The following CSMD1 variants were observed in gnomAD, a reference collection of about 807,000 sequenced individuals.
CSMD1 encodes CUB and sushi domain-containing protein 1.
In CSMD1, 213 loss-of-function variants were observed where a neutral mutation model predicts 417.5. That is an observed-to-expected ratio of 0.51 (90% CI 0.46 to 0.57). The LOEUF (loss-of-function observed/expected upper bound fraction) is 0.57. Ranked by LOEUF, CSMD1 falls within the 20% of genes least tolerant of loss-of-function variation. The pLI, the probability that CSMD1 is intolerant of heterozygous loss-of-function variation, is 0.00. For missense variants in CSMD1, 6,923 were observed against 4,529.7 expected (o/e 1.53, Z -15.17); for synonymous variants, 2,862 against 1,736.8 (o/e 1.65, Z -16.11).
chr8:3,058,482 C>T (rs17079214), intron 49 of CSMD1, among the ~76,000 whole-genome samples: 36,339 of 152,050 alleles, frequency 0.24, 5,070 homozygotes, highest in East Asian at 0.34. Flanking sequence ...AAACATGATC[C>T]TTTTTGGTGC....
chr8:4,209,530 C>A lies in CSMD1; in HGVS notation c.416-177431G>T, dbSNP rs182332089. On this transcript the variant is annotated intron_variant, in intron 3 of 69. Coordinates refer to ENST00000635120, the MANE Select transcript of CSMD1 (RefSeq NM_033225.6). The stretch of plus-strand genomic sequence containing the variant: ...CCCCTCCTCTCTGGGAAACAGGAGC[C>A]GCGTGAGATTCCTTGCTGCCATGCT... Among the ~76,000 whole-genome samples, 67 of 152,274 alleles carry A rather than the reference C, an allele frequency of 4.4e-4. 1 individual carries two copies. The South Asian group carries it at 0.012, about 28-fold the overall frequency.
chr8:4,470,747 G>C (rs961945976), intron 2 of CSMD1, among the ~76,000 whole-genome samples: 3 of 152,172 alleles, frequency 2.0e-5, no homozygotes, highest in South Asian at 2.1e-4. Context: ...AAAACACCAT[G>C]AATGACTTAA....
rs149208197 is a variant in CSMD1, at chr8:4,936,807, G to A, written c.85+57525C>T. The stretch of plus-strand genomic sequence containing the variant: ...ACACTCAAATAAAATATATTAAATG[G>A]ATTTTATAACAGCTTTGCTGCTAAA... On this transcript the variant is annotated intron_variant, in intron 1 of 69. Transcript: ENST00000635120. Among the ~76,000 whole-genome samples the A allele has an allele frequency of 1.4e-3, 220 of 152,262 alleles. 7 individuals carry two copies. In the East Asian group the frequency reaches 0.016, roughly 11 times the overall value.
At chr8:4,348,835 C>G (rs189614444) in intron 3 of CSMD1, among the ~76,000 whole-genome samples, 25 of 152,274 alleles carry the variant, frequency 1.6e-4, no homozygotes, top group African/African-American at 5.3e-4. Context: ...AATCAATAAG[C>G]TTTTAAGGTA....
At chr8:3,195,546 T>G (rs1260927537) in intron 33 of CSMD1, among the ~76,000 whole-genome samples, 1 of 152,178 alleles carries the variant, frequency 6.6e-6, no homozygotes, top group Non-Finnish European at 1.5e-5. Context: ...CGTCTAAGAA[T>G]ATGTTGATTT....
chr8:4,181,321 C>G (rs1421271722), intron 3 of CSMD1, among the ~76,000 whole-genome samples: 1 of 151,934 alleles, frequency 6.6e-6, no homozygotes, highest in Non-Finnish European at 1.5e-5. Flanking sequence ...ACATATATAT[C>G]CATGCTAAAA....
chr8:3,790,025 C>G (rs564334686), intron 5 of CSMD1, among the ~76,000 whole-genome samples: 1 of 152,112 alleles, frequency 6.6e-6, no homozygotes, highest in Non-Finnish European at 1.5e-5. Context: ...GCCACCATGC[C>G]CGGCCGATCA....
chr8:4,161,161 C>G (rs748024889), intron 3 of CSMD1, among the ~76,000 whole-genome samples: 22 of 151,568 alleles, frequency 1.5e-4, no homozygotes, highest in African/African-American at 5.3e-4. Flanking sequence ...GATAAAAGTT[C>G]AGAAGGATGA....
intron 17 of CSMD1, among the ~76,000 whole-genome samples, chr8:3,394,586 G>A (rs549882983): frequency 7.2e-5 from 11 of 151,726 alleles, no homozygotes; most frequent in Non-Finnish European, 1.2e-4. Flanking sequence ...GAAGTTTCAT[G>A]CACTATATAT....
At chr8:4,248,021 T>A (rs1225161270) in intron 3 of CSMD1, among the ~76,000 whole-genome samples, 1 of 152,212 alleles carries the variant, frequency 6.6e-6, no homozygotes, top group African/African-American at 2.4e-5. Flanking sequence ...GTATATAGAT[T>A]TTTCATTTAG....
Position 3,039,142 on chromosome 8 carries a change from C to A in CSMD1, c.7661-9629G>T, listed in dbSNP as rs890901061. ...TGCTGTAAACACCGTGTGAGTGAGGCAGACACAGGAAGCTGAATTACAAGA... is the reference window on the plus strand; with the variant it reads ...TGCTGTAAACACCGTGTGAGTGAGGAAGACACAGGAAGCTGAATTACAAGA... On this transcript the variant is annotated intron_variant, in intron 50 of 69. Transcript: ENST00000635120. Among the ~76,000 whole-genome samples, 5 of 152,240 alleles carry A rather than the reference C, an allele frequency of 3.3e-5. No individual in the cohort carries two copies. The East Asian group carries it at 9.7e-4, about 30-fold the overall frequency.
intron 3 of CSMD1, among the ~76,000 whole-genome samples, chr8:4,237,194 A>T (rs1802118288): frequency 6.6e-6 from 1 of 152,184 alleles, no homozygotes; most frequent in Non-Finnish European, 1.5e-5. Context: ...CCATATTTGC[A>T]CCAACTTTGC....
At chr8:3,964,318 G>A (rs1812527867) in intron 5 of CSMD1, among the ~76,000 whole-genome samples, 1 of 152,188 alleles carries the variant, frequency 6.6e-6, no homozygotes, top group Non-Finnish European at 1.5e-5. Context: ...GCGGCCATAA[G>A]TCTCATTGTG....
intron 1 of CSMD1, among the ~76,000 whole-genome samples, chr8:4,751,686 A>T (rs976880949): frequency 6.6e-6 from 1 of 152,046 alleles, no homozygotes; most frequent in African/African-American, 2.4e-5. Flanking sequence ...ATGGTCAGCT[A>T]CCCTTTCTCT....
At chr8:3,833,226 T>C (rs182912165) in intron 5 of CSMD1, among the ~76,000 whole-genome samples, 1 of 152,308 alleles carries the variant, frequency 6.6e-6, no homozygotes, top group East Asian at 1.9e-4. Context: ...GTCCGTACTG[T>C]AATTCTAACC....
intron 2 of CSMD1, among the ~76,000 whole-genome samples, chr8:4,422,654 C>G (rs1242279805): frequency 6.6e-6 from 1 of 151,902 alleles, no homozygotes; most frequent in Non-Finnish European, 1.5e-5. Context: ...TTTCTTAATC[C>G]CTGGAACTTA....
intron 5 of CSMD1, among the ~76,000 whole-genome samples, chr8:3,838,330 G>C (rs561215903): frequency 6.6e-6 from 1 of 151,818 alleles, no homozygotes; most frequent in Non-Finnish European, 1.5e-5. Context: ...GAGTCCAGTA[G>C]TTCCAGACCA....
At chr8:4,298,565 G>T (rs563272640) in intron 3 of CSMD1, among the ~76,000 whole-genome samples, 5 of 152,034 alleles carry the variant, frequency 3.3e-5, no homozygotes, top group South Asian at 2.1e-4. Context: ...TGTACCCAAT[G>T]AATTTATGTA....
intron 3 of CSMD1, among the ~76,000 whole-genome samples, chr8:4,304,110 C>G (rs1051394927): frequency 1.3e-5 from 2 of 152,002 alleles, no homozygotes; most frequent in African/African-American, 4.8e-5. Context: ...ATAAAATTAA[C>G]CACTGTTATT....
Sources: gnomAD v4.1 joint callset for allele counts (sites outside exome capture counted in the v4.1 genomes callset) on GRCh38, gnomAD v4.1.1 for gene constraint, MANE v1.5 for transcripts, NCBI Gene and HGNC (gene_info 2026-07-23, HGNC 2026-07-21) for gene names.